Variants in SOX5 observed in about 807,000 individuals in gnomAD.
SOX5 encodes the protein SRY-box transcription factor 5.
Under a neutral mutation model 92.0 loss-of-function variants are expected in SOX5, and 9 were observed. The ratio of observed to expected loss-of-function variants is 0.10; its 90% CI spans 0.06 to 0.17. The LOEUF is 0.17. Among genes scored for constraint, SOX5 ranks in the 10% least tolerant of loss-of-function variants. The pLI is 1.00. For missense variants in SOX5, 642 were observed against 944.5 expected, an observed-to-expected ratio of 0.68 and a Z score of 4.20; for synonymous variants, 344 against 336.3, an observed-to-expected ratio of 1.02 and a Z score of -0.25.
At chr12:23,859,960 C>T (rs1248199792) in intron 2 of SOX5, among the ~76,000 whole-genome samples, 2 of 152,144 alleles carry the variant, frequency 1.3e-5, no homozygotes, top group East Asian at 3.9e-4. Flanking sequence ...GAATATTATG[C>T]AGCCATAACA....
chr12:24,373,823 A>G (rs937414455), intron 1 of SOX5, among the ~76,000 whole-genome samples: 8 of 152,316 alleles, frequency 5.3e-5, no homozygotes, highest in African/African-American at 1.9e-4. Flanking sequence ...ATGCAGTTCC[A>G]TATCATGTAA....
chr12:24,042,685 A>G (rs7978875), intron 4 of SOX5, among the ~76,000 whole-genome samples: 26,330 of 152,072 alleles, frequency 0.17, 2,384 homozygotes, highest in Non-Finnish European at 0.21. Context: ...CTTCCTTTTA[A>G]CTGTTTTGGT....
At chr12:23,772,085 T>C (rs570686235) in intron 3 of SOX5, among the ~76,000 whole-genome samples, 11 of 152,282 alleles carry the variant, frequency 7.2e-5, no homozygotes, top group African/African-American at 2.6e-4. Flanking sequence ...GTGGTTACCA[T>C]GGAATTAAAA....
intron 2 of SOX5, among the ~76,000 whole-genome samples, chr12:23,865,607 G>A (rs7310105): frequency 0.38 from 56,958 of 151,388 alleles, 11,612 homozygotes; most frequent in Non-Finnish European, 0.48. Flanking sequence ...CCCGGGAGGC[G>A]GAGGTTGCAG....
rs549469884 is a variant in SOX5, at chr12:23,781,686, C to T, written c.482-25962G>A. On this transcript the variant is annotated intron_variant, in intron 3 of 14. Coordinates refer to ENST00000451604, the MANE Select transcript of SOX5 (RefSeq NM_006940.6). Reference sequence around the variant, plus strand: ...TTGTACTCTCTCTCTCTCTCTCCCCCGCTTTTACCCCCTTTCTGGGGTTTA... The same window carrying T: ...TTGTACTCTCTCTCTCTCTCTCCCCTGCTTTTACCCCCTTTCTGGGGTTTA... Among the ~76,000 whole-genome samples, 9 of 152,138 alleles carry T rather than the reference C, an allele frequency of 5.9e-5. No homozygotes were observed. In the South Asian group the frequency reaches 1.7e-3, roughly 28 times the overall value.
At chr12:24,314,035 C>A (rs1949463576) in intron 2 of SOX5, among the ~76,000 whole-genome samples, 1 of 152,120 alleles carries the variant, frequency 6.6e-6, no homozygotes, top group Non-Finnish European at 1.5e-5. Context: ...TTTAAATGCA[C>A]TAAGTCATGG....
chr12:24,215,125 T>C (rs1449373349), intron 3 of SOX5, among the ~76,000 whole-genome samples: 1 of 152,064 alleles, frequency 6.6e-6, no homozygotes, highest in Non-Finnish European at 1.5e-5. Context: ...GTAAAGACCA[T>C]CTATGAAAAA....
chr12:24,301,687 C>G (rs1303782482), intron 2 of SOX5, among the ~76,000 whole-genome samples: 1 of 152,090 alleles, frequency 6.6e-6, no homozygotes, highest in Non-Finnish European at 1.5e-5. Context: ...TGAAGTTATT[C>G]TTTTTCTGTA....
intron 1 of SOX5, among the ~76,000 whole-genome samples, chr12:23,918,851 A>C (rs7955023): frequency 0.11 from 17,069 of 151,832 alleles, 1,633 homozygotes; most frequent in East Asian, 0.47. Flanking sequence ...CGGGAGGTGG[A>C]GGTTGCAGTG....
intron 4 of SOX5, among the ~76,000 whole-genome samples, chr12:24,138,388 C>T (rs1048262231): frequency 6.6e-6 from 1 of 152,230 alleles, no homozygotes; most frequent in Non-Finnish European, 1.5e-5. Context: ...ACAGAGATGA[C>T]ACCACTCCCC....
intron 1 of SOX5, among the ~76,000 whole-genome samples, chr12:23,914,015 G>A (rs1036058222): frequency 6.6e-6 from 1 of 152,102 alleles, no homozygotes; most frequent in African/African-American, 2.4e-5. Flanking sequence ...CCTTCAGTTT[G>A]TCACAGGAAA....
chr12:24,155,359 A>C (rs1278981468), intron 4 of SOX5, among the ~76,000 whole-genome samples: 1 of 152,112 alleles, frequency 6.6e-6, no homozygotes, highest in Admixed American at 6.6e-5. Flanking sequence ...TTGTCAAACT[A>C]TTTTGAGTAT....
chr12:23,985,209 T>G (rs1329631604), intron 4 of SOX5, among the ~76,000 whole-genome samples: 3 of 150,974 alleles, frequency 2.0e-5, no homozygotes, highest in Non-Finnish European at 4.4e-5. Flanking sequence ...TCAAGATGAT[T>G]AGGTTTTTAT....
At chr12:24,035,709 CCTCA>C (rs1955964238) in intron 4 of SOX5, among the ~76,000 whole-genome samples, 3 of 151,990 alleles carry the variant, frequency 2.0e-5, no homozygotes, top group South Asian at 2.1e-4. Flanking sequence ...AAAACATCTC[CCTCA>C]CTATGTATAG....
chr12:24,195,139 GA>G (rs11427882), intron 4 of SOX5, among the ~76,000 whole-genome samples: 1,750 of 142,916 alleles, frequency 0.012, 29 homozygotes, highest in African/African-American at 0.039. Flanking sequence ...AATTGTTTGG[GA>G]AAAAAAAAAA....
chr12:23,732,447 T>G (rs1473897152), intron 6 of SOX5, among the ~76,000 whole-genome samples: 2 of 145,356 alleles, frequency 1.4e-5, no homozygotes, highest in African/African-American at 5.1e-5. Context: ...AGAACTATGC[T>G]TTTCGTTAAT....
intron 4 of SOX5, among the ~76,000 whole-genome samples, chr12:24,053,187 C>CT (rs771748600): frequency 5.4e-4 from 77 of 143,252 alleles, no homozygotes; most frequent in East Asian, 5.9e-4. Flanking sequence ...CGCCCCCCCC[C>CT]TTTTTTTTTT....
intron 2 of SOX5, among the ~76,000 whole-genome samples, chr12:24,363,544 A>T (rs572817764): frequency 4.6e-5 from 7 of 152,350 alleles, no homozygotes; most frequent in South Asian, 2.1e-4. Context: ...TTATAGCAAT[A>T]ACATTTATGT....
chr12:23,888,599 C>T (rs915440100), intron 2 of SOX5, among the ~76,000 whole-genome samples: 4 of 152,158 alleles, frequency 2.6e-5, no homozygotes, highest in South Asian at 2.1e-4. Context: ...ACAAAATGAT[C>T]GATTGCACAA....
Sources: allele counts gnomAD v4.1 joint callset (sites outside exome capture counted in the v4.1 genomes callset), GRCh38; gene constraint gnomAD v4.1.1; transcripts MANE v1.5; gene names NCBI Gene and HGNC (gene_info 2026-07-23, HGNC 2026-07-21).